The following ELN variants were observed in gnomAD, a reference collection of about 807,000 sequenced individuals.
The protein encoded by ELN is tropoelastin.
A neutral mutation model predicts 105.8 loss-of-function variants in ELN; 65 were observed. The ratio of observed to expected loss-of-function variants is 0.61; its 90% CI spans 0.50 to 0.75. ELN has a LOEUF of 0.75. ELN is among the 30% of genes least tolerant of loss of function. ELN has a pLI of 0.00. For synonymous variants in ELN, 368 were observed against 389.2 expected (o/e 0.95, Z 0.64); for missense variants, 882 against 969.4 (o/e 0.91, Z 1.20).
chr7:74,066,360 A>T (rs1554689227), intron 31 of ELN, among the ~76,000 whole-genome samples: 1 of 152,112 alleles, frequency 6.6e-6, no homozygotes, highest in African/African-American at 2.4e-5. Flanking sequence ...TGAGGTCAGG[A>T]GTTCGAGACC....
At chr7:74,067,986 G>A (rs1295311601) in intron 32 of ELN, among the ~76,000 whole-genome samples, 1 of 146,246 alleles carries the variant, frequency 6.8e-6, no homozygotes, top group African/African-American at 2.6e-5. Context: ...GTCTGTTCCT[G>A]CCCCACTCTC....
chr7:74,048,754 T>G (rs2131681159), intron 15 of ELN, among the ~76,000 whole-genome samples, 198 bp downstream of exon 15: 1 of 151,962 alleles, frequency 6.6e-6, no homozygotes, highest in East Asian at 1.9e-4. Context: ...TCCATCAATC[T>G]ATTACTTTCT....
Position 74,060,035 on chromosome 7 carries a change from G to A in ELN, c.1564G>A (p.Gly522Ser). 1 of 1,614,106 alleles carries A rather than the reference G, an allele frequency of 6.2e-7. No homozygotes were observed. Among genetic ancestry groups the A allele is most frequent in the African/African-American group, 1.3e-5 (1 of 75,028 alleles). ...GVGVAPGIGP[G>S]GVAAAAKSAA... The stretch of plus-strand genomic sequence containing the variant: ...TGGCGTGGCTCCCGGCATTGGCCCT[G>A]GTGGAGTTGCAGGTGAGTTTCATGA... The change falls in exon 23 of 33, where the codon GGT (glycine) becomes AGT (serine). Residue 522 changes from glycine (G) to serine (S), a missense_variant. Transcript: ENST00000252034.
intron 26 of ELN, among the ~76,000 whole-genome samples, chr7:74,061,597 A>G (rs1213196610): frequency 1.3e-5 from 2 of 152,198 alleles, no homozygotes; most frequent in Non-Finnish European, 2.9e-5. Context: ...GGTTGCAGTG[A>G]GCCGAGATCA....
chr7:74,064,732 A>G (rs1215419825), intron 29 of ELN, among the ~76,000 whole-genome samples: 22 of 152,040 alleles, frequency 1.4e-4, no homozygotes, highest in African/African-American at 5.1e-4. Flanking sequence ...CTGCGGTGGG[A>G]GTAAATTAGG....
chr7:74,047,139 G>A (rs1792762729), intron 12 of ELN, among the ~76,000 whole-genome samples: 1 of 152,092 alleles, frequency 6.6e-6, no homozygotes, highest in Non-Finnish European at 1.5e-5. Flanking sequence ...TCCCTGCACA[G>A]AAGTCAGCCT....
intron 4 of ELN, among the ~76,000 whole-genome samples, chr7:74,039,290 T>A (rs1790645199): frequency 6.6e-6 from 1 of 152,164 alleles, no homozygotes; most frequent in African/African-American, 2.4e-5. Context: ...AAGGAGTCAA[T>A]CCAAAGGAAA....
At position 74,059,942 on chromosome 7, in the gene ELN, G is replaced by T. The variant is rs369387691; in HGVS notation, c.1471G>T (p.Val491Leu). The T allele has an allele frequency of 6.2e-7, 1 of 1,605,390 alleles. No homozygotes were observed. Among genetic ancestry groups the T allele is most frequent in the Non-Finnish European group, 8.5e-7 (1 of 1,172,772 alleles). ...AGTTGGCGTGGCTCCTGGTGTCGGTGTGGCTCCTGGAGTTGGCTTGGCTCC... is the reference window on the plus strand; with the variant it reads ...AGTTGGCGTGGCTCCTGGTGTCGGTTTGGCTCCTGGAGTTGGCTTGGCTCC... ...PGVGVAPGVG[V>L]APGVGLAPGV... The change falls in exon 23 of 33, where the codon GTG (valine) becomes TTG (leucine). Residue 491 changes from valine (V) to leucine (L), a missense_variant. Val to Leu is a conservative substitution (Grantham distance 32). Coordinates refer to ENST00000252034, the MANE Select transcript of ELN (RefSeq NM_000501.4).
chr7:74,056,135 A>G, intron 19 of ELN, 136 bp from the exon 20 acceptor site: 1 of 1,154,308 alleles, frequency 8.7e-7, no homozygotes. Context: ...GGACCCAGGC[A>G]TCCCAGTTTT....
chr7:74,035,216 G>A (rs1405591662), intron 1 of ELN, 148 bp from the exon 2 acceptor site: 8 of 784,280 alleles, frequency 1.0e-5, no homozygotes, highest in Non-Finnish European at 1.8e-5. Flanking sequence ...CTGGAGACAA[G>A]CAATGTCATT....
intron 32 of ELN, among the ~76,000 whole-genome samples, chr7:74,067,933 CAAAAAAAAAAA>C (rs782107951): frequency 0.027 from 543 of 19,914 alleles, 11 homozygotes; most frequent in African/African-American, 0.063. Flanking sequence ...GATTGCGTCT[CAAAAAAAAAAA>C]AAAAAAAAAA....
chr7:74,048,079 G>A lies in ELN; in HGVS notation c.686-63G>A, dbSNP rs534634386. 31 of 1,600,774 alleles carry A rather than the reference G, an allele frequency of 1.9e-5. No individual in the cohort carries two copies. In the South Asian group the frequency reaches 3.3e-4, roughly 17 times the overall value. On this transcript the variant is annotated intron_variant, in intron 13 of 32. Transcript: ENST00000252034. ...CTTGGGCCCCGAGGGCAGAGCAGGG[G>A]GAGGGGGAGGGCAGCAGTGGTGATG...
intron 3 of ELN, 123 bp downstream of exon 3, chr7:74,036,707 C>G: frequency 2.1e-6 from 3 of 1,404,092 alleles, no homozygotes; most frequent in Non-Finnish European, 3.0e-6. Flanking sequence ...ATTTCACAGA[C>G]AGCATCCAGG....
Position 74,063,756 on chromosome 7 carries a change from G to A in ELN, c.1993+61G>A, listed in dbSNP as rs1797258833. ...TGTGTGTATGCGAGACAGAGATGGA[G>A]ACAGAGACAGAGACAGAGACTTTCG... On this transcript the variant is annotated intron_variant, in intron 29 of 32. Coordinates refer to ENST00000252034, the MANE Select transcript of ELN (RefSeq NM_000501.4). This position sits in a 1 kb window ranked among gnomAD's most constrained non-coding sequence, Gnocchi z 4.1. 11 of 1,597,888 alleles carry A rather than the reference G, an allele frequency of 6.9e-6. No individual in the cohort carries two copies. The highest frequency in any genetic ancestry group is 2.7e-5 in the African/African-American group (2 of 74,514).
At chr7:74,051,216 GA>G (rs2131826002) in intron 15 of ELN, among the ~76,000 whole-genome samples, 1 of 152,318 alleles carries the variant, frequency 6.6e-6, no homozygotes, top group African/African-American at 2.4e-5. Flanking sequence ...CAGCCCGAGA[GA>G]GCGAGAATGT....
At chr7:74,064,126 A>G (rs1554687286) in intron 29 of ELN, among the ~76,000 whole-genome samples, 3 of 148,192 alleles carry the variant, frequency 2.0e-5, no homozygotes, top group Admixed American at 6.8e-5. Context: ...AGAAAGAAAG[A>G]AAAGAAAAGA....
At chr7:74,064,423 A>AAAAAT (rs1554687738) in intron 29 of ELN, among the ~76,000 whole-genome samples, 5 of 133,142 alleles carry the variant, frequency 3.8e-5, no homozygotes, top group South Asian at 2.4e-4. Context: ...TCAAAAAAAA[A>AAAAAT]ATATATATAT....
intron 5 of ELN, among the ~76,000 whole-genome samples, chr7:74,041,807 T>C (rs1210756570): frequency 3.9e-5 from 6 of 152,136 alleles, no homozygotes; most frequent in African/African-American, 9.7e-5. Context: ...GCAGTTGATC[T>C]CAGCTCACCA....
chr7:74,066,982 G>C (rs933652213), intron 32 of ELN, among the ~76,000 whole-genome samples: 3 of 152,172 alleles, frequency 2.0e-5, no homozygotes, highest in Non-Finnish European at 4.4e-5. Context: ...GGGAACATTT[G>C]CTTTTTAAAA....
Sources: gnomAD v4.1 joint callset for allele counts (sites outside exome capture counted in the v4.1 genomes callset) on GRCh38, gnomAD v4.1.1 for gene constraint, Gnocchi (gnomAD v3.1) non-coding constraint, MANE v1.5 for transcripts, NCBI Gene and HGNC (gene_info 2026-07-23, HGNC 2026-07-21) for gene names.